Variants in OTUD7B observed in about 807,000 individuals in gnomAD.
OTUD7B encodes OTU domain-containing protein 7B.
A neutral mutation model predicts 82.2 loss-of-function variants in OTUD7B; 34 were observed. That is an observed-to-expected ratio of 0.41 (90% confidence interval 0.31 to 0.55). The LOEUF is 0.55. OTUD7B is among the 20% of genes least tolerant of loss of function. OTUD7B has a pLI of 0.20. For missense variants in OTUD7B, 944 were observed against 1,062.1 expected, an observed-to-expected ratio of 0.89 and a Z score of 1.55; for synonymous variants, 398 against 402.7, an observed-to-expected ratio of 0.99 and a Z score of 0.14.
At chr1:150,023,330 T>A in the OTUD7B span, among the ~76,000 whole-genome samples, 2 of 152,198 alleles carry the variant, frequency 1.3e-5, no homozygotes, top group Non-Finnish European at 2.9e-5. Flanking sequence ...CAAAGAGATA[T>A]ACGCACTCCC....
intron 11 of OTUD7B, among the ~76,000 whole-genome samples, chr1:149,945,719 A>C (rs1266984650): frequency 6.6e-6 from 1 of 152,144 alleles, no homozygotes; most frequent in Non-Finnish European, 1.5e-5. Context: ...CTTTGGACGA[A>C]ATAATGATCA....
At chr1:149,988,988 C>T (rs1424610668) in intron 1 of OTUD7B, among the ~76,000 whole-genome samples, 1 of 152,142 alleles carries the variant, frequency 6.6e-6, no homozygotes, top group African/African-American at 2.4e-5. Context: ...AATCTTCTCT[C>T]CCTTTCTTGA....
chr1:150,023,458 T>C, the OTUD7B span, among the ~76,000 whole-genome samples: 2 of 152,268 alleles, frequency 1.3e-5, no homozygotes, highest in Middle Eastern at 3.4e-3. Context: ...CCAGAGAGCC[T>C]TGAAGAAGAA....
Position 149,965,758 on chromosome 1 carries a change from G to A in OTUD7B, c.604+19C>T. The A allele has an allele frequency of 1.3e-6, 2 of 1,562,338 alleles. No homozygotes were observed. Among genetic ancestry groups the A allele is most frequent in the Non-Finnish European group, 1.8e-6 (2 of 1,133,530 alleles). On this transcript the variant is annotated intron_variant, in intron 5 of 11. Coordinates refer to ENST00000581312, the MANE Select transcript of OTUD7B (RefSeq NM_020205.4). The stretch of plus-strand genomic sequence containing the variant: ...GCTTCCTTTCTGCAGGTGAATGGAG[G>A]ACTGCTTTCAAGACTCACCAAGGGA...
intron 9 of OTUD7B, among the ~76,000 whole-genome samples, chr1:149,949,309 A>G (rs1273657772): frequency 6.6e-6 from 1 of 152,222 alleles, no homozygotes; most frequent in East Asian, 1.9e-4. Flanking sequence ...TCAGTCAACT[A>G]ACTCTCATGA....
At chr1:149,950,462 G>C (rs1438200543) in intron 7 of OTUD7B, among the ~76,000 whole-genome samples, 1 of 152,184 alleles carries the variant, frequency 6.6e-6, no homozygotes, top group African/African-American at 2.4e-5. Flanking sequence ...GGTTAAAGCA[G>C]TGTTAGGAAT....
the OTUD7B span, among the ~76,000 whole-genome samples, chr1:150,019,545 T>G: frequency 6.6e-6 from 1 of 152,100 alleles, no homozygotes; most frequent in African/African-American, 2.4e-5. Context: ...TTTTGTATTT[T>G]TAGTAGAAAT....
At chr1:150,053,585 G>A in the OTUD7B span, among the ~76,000 whole-genome samples, 3 of 151,924 alleles carry the variant, frequency 2.0e-5, no homozygotes, top group South Asian at 2.1e-4. Flanking sequence ...TAGTAGAGAC[G>A]AGGTTTCTCC....
the OTUD7B span, among the ~76,000 whole-genome samples, chr1:150,041,442 C>G: frequency 2.0e-5 from 3 of 152,200 alleles, no homozygotes; most frequent in Non-Finnish European, 4.4e-5. Flanking sequence ...AAGCGATTCT[C>G]ATGCCTCAGC....
At chr1:149,957,662 C>T (rs1648786896) in intron 7 of OTUD7B, among the ~76,000 whole-genome samples, 1 of 152,212 alleles carries the variant, frequency 6.6e-6, no homozygotes, top group African/African-American at 2.4e-5. Flanking sequence ...GGCAGGCCTC[C>T]TTGAGCTGCA....
In OTUD7B at chr1:149,944,418, T is replaced by C. The variant is rs587630839; in HGVS notation, c.1971A>G (p.Ile657Met). The C allele has an allele frequency of 4.3e-6, 7 of 1,614,002 alleles. No individual in the cohort carries two copies. The change falls in exon 12 of 12, where the codon ATA (isoleucine) becomes ATG (methionine). Residue 657 changes from isoleucine (I) to methionine (M), a missense_variant. Physicochemically the swap from Ile to Met is conservative, Grantham distance 10. Transcript: ENST00000581312. ...EAERKIMNGG[I>M]GGGPPPAKKP... ...TTTTGGCTGGAGGAGGGCCACCCCC[T>C]ATTCCTCCATTCATGATCTTCCTCT...
intron 10 of OTUD7B, among the ~76,000 whole-genome samples, chr1:149,948,253 TG>T (rs1647905393): frequency 6.6e-6 from 1 of 152,162 alleles, no homozygotes; most frequent in Non-Finnish European, 1.5e-5. Flanking sequence ...ACTCTGATGG[TG>T]GTTTCTCCCA....
At chr1:150,005,682 T>C (rs1373114451) in intron 1 of OTUD7B, among the ~76,000 whole-genome samples, 2 of 151,512 alleles carry the variant, frequency 1.3e-5, no homozygotes, top group Non-Finnish European at 2.9e-5. Flanking sequence ...TAATTGGACA[T>C]ACTTTCAAAC....
intron 8 of OTUD7B, 123 bp downstream of exon 8, chr1:149,949,971 T>C (rs1440151844): frequency 7.1e-7 from 1 of 1,409,790 alleles, no homozygotes; most frequent in Non-Finnish European, 9.6e-7. Context: ...CTATTCTAAT[T>C]GATAACTTGC....
upstream of OTUD7B, among the ~76,000 whole-genome samples, chr1:150,011,867 AG>A (rs1310008813): frequency 2.0e-5 from 3 of 152,162 alleles, no homozygotes; most frequent in Admixed American, 2.0e-4. Context: ...CAGTTTCTAA[AG>A]GGGAGGCGTG....
the OTUD7B span, among the ~76,000 whole-genome samples, chr1:150,027,800 T>C: frequency 2.6e-5 from 4 of 152,068 alleles, no homozygotes; most frequent in South Asian, 6.2e-4. Context: ...CCCTATGAAA[T>C]AATTATATTC....
intron 1 of OTUD7B, among the ~76,000 whole-genome samples, chr1:150,001,022 C>A (rs1037703551): frequency 6.6e-6 from 1 of 151,714 alleles, no homozygotes; most frequent in African/African-American, 2.4e-5. Flanking sequence ...AAAGATGTGG[C>A]GGGGCAGAGG....
chr1:150,041,107 A>T, the OTUD7B span, among the ~76,000 whole-genome samples: 2 of 152,066 alleles, frequency 1.3e-5, no homozygotes, highest in Non-Finnish European at 2.9e-5. Flanking sequence ...CAGTTCAGTC[A>T]TGTTAACTAT....
chr1:150,047,137 T>C, the OTUD7B span, among the ~76,000 whole-genome samples: 1 of 152,120 alleles, frequency 6.6e-6, no homozygotes, highest in East Asian at 1.9e-4. Flanking sequence ...TTTTCCATCT[T>C]CCGCTGTCAA....
Sources: allele counts gnomAD v4.1 joint callset (sites outside exome capture counted in the v4.1 genomes callset), GRCh38; gene constraint gnomAD v4.1.1; transcripts MANE v1.5; gene names NCBI Gene and HGNC (gene_info 2026-07-23, HGNC 2026-07-21).